The following CTNNA2 variants were observed in gnomAD, a reference collection of about 807,000 sequenced individuals.
The protein encoded by CTNNA2 is catenin alpha-2.
In CTNNA2, 42 loss-of-function variants were observed where a neutral mutation model predicts 101.0. That is an observed-to-expected ratio of 0.42 (90% confidence interval 0.32 to 0.54). The LOEUF (loss-of-function observed/expected upper bound fraction) is 0.54, where lower values mean the gene tolerates loss of function less well. CTNNA2 is among the 20% of genes least tolerant of loss of function. The pLI is 0.14. For missense variants in CTNNA2, 871 were observed against 1,223.1 expected (o/e 0.71, Z 4.29); for synonymous variants, 450 against 456.4 (o/e 0.99, Z 0.18).
chr2:80,458,683 C>G (rs1224983408), intron 9 of CTNNA2, among the ~76,000 whole-genome samples: 1 of 152,160 alleles, frequency 6.6e-6, no homozygotes, highest in Non-Finnish European at 1.5e-5. Context: ...TGGAAAGGAC[C>G]TTGAAGTTCA....
At chr2:79,289,959 T>C (rs963083738) in intron 2 of CTNNA2, among the ~76,000 whole-genome samples, 4 of 152,118 alleles carry the variant, frequency 2.6e-5, no homozygotes, top group African/African-American at 9.7e-5. Flanking sequence ...CTATATTTCC[T>C]TTTCTGTGAT....
intron 3 of CTNNA2, among the ~76,000 whole-genome samples, chr2:79,811,297 C>T (rs1303155070): frequency 1.3e-5 from 2 of 152,126 alleles, no homozygotes; most frequent in African/African-American, 4.8e-5. Context: ...AGCATTTTTT[C>T]ATGTGTCTTT....
intron 3 of CTNNA2, chr2:79,312,931 C>T (rs539404473): frequency 6.6e-6 from 1 of 152,198 alleles, no homozygotes; most frequent in Non-Finnish European, 1.5e-5. Flanking sequence ...CTGCTTAACG[C>T]CCCGTATACA....
At chr2:79,783,175 T>G (rs951497268) in intron 3 of CTNNA2, among the ~76,000 whole-genome samples, 2 of 152,184 alleles carry the variant, frequency 1.3e-5, no homozygotes, top group African/African-American at 4.8e-5. Context: ...AAGTGGCTTA[T>G]AGAAATCATA....
chr2:80,507,610 G>A (rs1688376651), intron 9 of CTNNA2, among the ~76,000 whole-genome samples: 1 of 152,028 alleles, frequency 6.6e-6, no homozygotes, highest in Non-Finnish European at 1.5e-5. Flanking sequence ...CTTGGCTTTG[G>A]TATTCACATA....
At chr2:79,926,928 CAGAG>C (rs1687059232) in intron 7 of CTNNA2, among the ~76,000 whole-genome samples, 1 of 151,962 alleles carries the variant, frequency 6.6e-6, no homozygotes, top group Middle Eastern at 3.2e-3. Context: ...GTTAGGTTTT[CAGAG>C]AGAGAGCTGG....
At chr2:79,386,070 T>C (rs1573140752) in intron 4 of CTNNA2, among the ~76,000 whole-genome samples, 1 of 152,168 alleles carries the variant, frequency 6.6e-6, no homozygotes. Flanking sequence ...CTGGGTCAAA[T>C]GGTGTTTCTG....
At chr2:80,278,572 G>A (rs1674109270) in intron 7 of CTNNA2, among the ~76,000 whole-genome samples, 3 of 152,086 alleles carry the variant, frequency 2.0e-5, no homozygotes, top group South Asian at 4.1e-4. Context: ...TGCTGCACAA[G>A]TGTTTTCCAA....
intron 4 of CTNNA2, among the ~76,000 whole-genome samples, chr2:79,396,939 G>A (rs901790044): frequency 2.6e-5 from 4 of 152,106 alleles, no homozygotes; most frequent in African/African-American, 9.7e-5. Flanking sequence ...TCAAGCTTAA[G>A]TGTACATCCG....
chr2:80,365,728 C>A (rs533323387), intron 7 of CTNNA2, among the ~76,000 whole-genome samples: 117 of 152,228 alleles, frequency 7.7e-4, no homozygotes, highest in Non-Finnish European at 1.5e-3. Flanking sequence ...AAAACTTACA[C>A]TTACCATTGT....
rs530792643 is a variant in CTNNA2 at position 80,555,745 on chromosome 2, C to T, written c.1593C>T (p.Gly531=). 4.7e-5 allele frequency: 74 copies of T among 1,580,724 alleles called. No individual in the cohort carries two copies. The highest frequency in any genetic ancestry group is 3.8e-4 in the African/African-American group (28 of 74,112). The part of the protein sequence containing the change: ...VNKCVIALQE[G]DVDTLDRTAG... ...AGTGTGTGATAGCCCTCCAAGAGGGCGATGTGGACACTCTGGACCGGACTG... is the reference window on the plus strand; with the variant it reads ...AGTGTGTGATAGCCCTCCAAGAGGGTGATGTGGACACTCTGGACCGGACTG... Residue 531 remains glycine (G), a synonymous_variant, in exon 12 of 19, where the codon GGC becomes GGT. Transcript: ENST00000402739.
At position 80,639,212 on chromosome 2, in the gene CTNNA2, T is replaced by C. The variant is rs1263189308; in HGVS notation, c.2575-8373T>C. On this transcript the variant is annotated intron_variant, in intron 18 of 18. Transcript: ENST00000402739. ...TGTTGTAATATTAACTCTTTTAATG[T>C]GGTTTTGTTTGTTTTGAGACACAGT... Among the ~76,000 whole-genome samples the C allele has an allele frequency of 2.0e-5, 3 of 152,140 alleles. No individual in the cohort carries two copies. In the South Asian group the frequency reaches 6.2e-4, roughly 32 times the overall value.
chr2:80,270,176 C>A (rs1159629086), intron 7 of CTNNA2, among the ~76,000 whole-genome samples: 1 of 152,200 alleles, frequency 6.6e-6, no homozygotes, highest in African/African-American at 2.4e-5. Flanking sequence ...ATACACTTTA[C>A]CCTATGCACT....
chr2:80,024,241 G>C (rs552433071), intron 7 of CTNNA2, among the ~76,000 whole-genome samples: 2 of 152,276 alleles, frequency 1.3e-5, no homozygotes, highest in South Asian at 4.1e-4. Flanking sequence ...ATATGTAAGA[G>C]GGAATGCTGC....
At chr2:79,781,029 T>C (rs1199464791) in intron 3 of CTNNA2, among the ~76,000 whole-genome samples, 4 of 152,090 alleles carry the variant, frequency 2.6e-5, no homozygotes, top group Admixed American at 1.3e-4. Flanking sequence ...GTCAAGTCCA[T>C]AGAGTAAAGT....
At chr2:79,695,385 A>C (rs1006862360) in intron 2 of CTNNA2, among the ~76,000 whole-genome samples, 1 of 152,020 alleles carries the variant, frequency 6.6e-6, no homozygotes, top group Non-Finnish European at 1.5e-5. Context: ...ACAGGCTGGT[A>C]AGCCAGACAC....
At chr2:79,624,788 A>G (rs749768012) in intron 1 of CTNNA2, among the ~76,000 whole-genome samples, 3 of 152,142 alleles carry the variant, frequency 2.0e-5, no homozygotes, top group Non-Finnish European at 4.4e-5. Flanking sequence ...CATAATTAAG[A>G]TCAGTTCTGG....
chr2:80,524,445 T>C (rs942999740), intron 9 of CTNNA2, among the ~76,000 whole-genome samples: 5 of 152,188 alleles, frequency 3.3e-5, no homozygotes, highest in African/African-American at 1.2e-4. Context: ...AGGTGACATT[T>C]GCCCAGTGGT....
At chr2:79,364,934 C>A (rs1308629096) in intron 3 of CTNNA2, among the ~76,000 whole-genome samples, 1 of 152,138 alleles carries the variant, frequency 6.6e-6, no homozygotes, top group African/African-American at 2.4e-5. Context: ...CCAGCAGCAT[C>A]TTGAATCTTA....
Sources: allele counts gnomAD v4.1 joint callset (sites outside exome capture counted in the v4.1 genomes callset), GRCh38; gene constraint gnomAD v4.1.1; transcripts MANE v1.5; gene names NCBI Gene and HGNC (gene_info 2026-07-23, HGNC 2026-07-21).